The following TENM2 variants were observed in gnomAD, a reference collection of about 807,000 sequenced individuals.
The protein encoded by TENM2 is teneurin transmembrane protein 2.
TENM2 carries 52 observed loss-of-function variants against 245.2 expected under a neutral mutation model. The ratio of observed to expected loss-of-function variants is 0.21; its 90% CI spans 0.17 to 0.27. TENM2 has a LOEUF of 0.27. Among genes scored for constraint, TENM2 ranks in the 10% least tolerant of loss-of-function variants. TENM2 has a pLI of 1.00. For synonymous variants in TENM2, 1,363 were observed against 1,438.9 expected, an observed-to-expected ratio of 0.95 and a Z score of 1.19; for missense variants, 3,046 against 3,666.8, an observed-to-expected ratio of 0.83 and a Z score of 4.37.
chr5:167,487,989 T>C (rs1258627709), intron 2 of TENM2, among the ~76,000 whole-genome samples: 2 of 152,052 alleles, frequency 1.3e-5, no homozygotes, highest in Non-Finnish European at 2.9e-5. Context: ...AAAATGGAGA[T>C]TACCTGAAAC....
chr5:166,980,303 A>G, the TENM2 span, among the ~76,000 whole-genome samples: 1 of 152,198 alleles, frequency 6.6e-6, no homozygotes, highest in Non-Finnish European at 1.5e-5. Context: ...GTACAGCAAT[A>G]TCTCTCTTAG....
At chr5:167,120,888 C>T in the TENM2 span, among the ~76,000 whole-genome samples, 1 of 152,078 alleles carries the variant, frequency 6.6e-6, no homozygotes, top group Non-Finnish European at 1.5e-5. Flanking sequence ...ACTAAAGATG[C>T]CCATCATGGA....
intron 2 of TENM2, among the ~76,000 whole-genome samples, chr5:167,565,183 G>A (rs1336719375): frequency 6.6e-6 from 1 of 152,234 alleles, no homozygotes; most frequent in Non-Finnish European, 1.5e-5. Flanking sequence ...GTAGGACAAG[G>A]CTATTAAGCT....
intron 2 of TENM2, among the ~76,000 whole-genome samples, chr5:167,643,447 G>T (rs898204701): frequency 1.3e-5 from 2 of 152,000 alleles, no homozygotes; most frequent in East Asian, 3.9e-4. Flanking sequence ...TGTAGCCTGC[G>T]TCAGTGGTTC....
intron 2 of TENM2, among the ~76,000 whole-genome samples, chr5:167,777,775 G>T (rs895099982): frequency 6.6e-6 from 1 of 152,094 alleles, no homozygotes; most frequent in Non-Finnish European, 1.5e-5. Context: ...TCAGAAAAGG[G>T]GCTTAATTTC....
At chr5:167,869,048 C>A (rs1477814827) in intron 2 of TENM2, among the ~76,000 whole-genome samples, 1 of 152,120 alleles carries the variant, frequency 6.6e-6, no homozygotes. Flanking sequence ...CTCAAACTCC[C>A]AAATAGTAGA....
At chr5:167,929,123 AAGAAAG>A (rs1778075553) in intron 3 of TENM2, among the ~76,000 whole-genome samples, 1 of 133,574 alleles carries the variant, frequency 7.5e-6, no homozygotes, top group South Asian at 2.5e-4. Flanking sequence ...GAAAGAAAGA[AAGAAAG>A]AAAAGAAAGA....
chr5:167,542,774 G>A (rs955830885), intron 2 of TENM2, among the ~76,000 whole-genome samples: 9 of 151,882 alleles, frequency 5.9e-5, no homozygotes, highest in East Asian at 3.9e-4. Context: ...CTAGAAATTC[G>A]GAAGATTTTA....
intron 2 of TENM2, among the ~76,000 whole-genome samples, chr5:167,648,620 G>A (rs74522779): frequency 6.6e-6 from 1 of 152,190 alleles, no homozygotes; most frequent in African/African-American, 2.4e-5. Flanking sequence ...CAGTCTCCAG[G>A]GAGAAGCGAT....
chr5:168,119,734 A>C (rs1795339818), intron 10 of TENM2, among the ~76,000 whole-genome samples: 1 of 152,082 alleles, frequency 6.6e-6, no homozygotes, highest in African/African-American at 2.4e-5. Flanking sequence ...CACAACTCAA[A>C]CAGCCCTTTT....
At chr5:167,893,062 A>G (rs1774885441) in intron 3 of TENM2, among the ~76,000 whole-genome samples, 1 of 152,138 alleles carries the variant, frequency 6.6e-6, no homozygotes, top group Non-Finnish European at 1.5e-5. Context: ...GAGGGAGAGT[A>G]TTACCTTTTG....
chr5:168,246,608 G>A, intron 26 of TENM2, 149 bp from the exon 29 acceptor site: 1 of 837,670 alleles, frequency 1.2e-6, no homozygotes, highest in East Asian at 2.4e-5. Flanking sequence ...GGCATGTCCA[G>A]TGAAATAAAT....
the TENM2 span, among the ~76,000 whole-genome samples, chr5:167,016,396 T>C: frequency 1.3e-5 from 2 of 152,074 alleles, no homozygotes; most frequent in Admixed American, 1.3e-4. Flanking sequence ...TGCTACTCTA[T>C]TTAATTTCTG....
At chr5:167,759,117 C>G (rs1044070573) in intron 2 of TENM2, among the ~76,000 whole-genome samples, 1 of 148,754 alleles carries the variant, frequency 6.7e-6, no homozygotes, top group Non-Finnish European at 1.5e-5. Context: ...ACTTAACTAG[C>G]AAGTTGCTTA....
At chr5:167,791,095 T>C (rs1764923654) in intron 2 of TENM2, among the ~76,000 whole-genome samples, 1 of 152,202 alleles carries the variant, frequency 6.6e-6, no homozygotes, top group South Asian at 2.1e-4. Context: ...TGGCTTGGAT[T>C]GTAAACCCCA....
chr5:167,072,405 G>T, the TENM2 span, among the ~76,000 whole-genome samples: 7 of 151,702 alleles, frequency 4.6e-5, no homozygotes, highest in Non-Finnish European at 1.0e-4. Context: ...GCCTTTTTTT[G>T]GCCTTGGTTG....
intron 2 of TENM2, among the ~76,000 whole-genome samples, chr5:167,431,928 CATATAT>C: frequency 8.9e-6 from 1 of 112,526 alleles, no homozygotes; most frequent in African/African-American, 3.4e-5. Context: ...TATATATATA[CATATAT>C]ATATACATAT....
intron 3 of TENM2, among the ~76,000 whole-genome samples, chr5:167,895,456 A>G (rs999383358): frequency 6.6e-6 from 1 of 152,226 alleles, no homozygotes; most frequent in Non-Finnish European, 1.5e-5. Flanking sequence ...TAACTTGACC[A>G]AATGCATGTA....
intron 2 of TENM2, among the ~76,000 whole-genome samples, chr5:167,865,119 G>A (rs1234601549): frequency 6.6e-6 from 1 of 152,146 alleles, no homozygotes; most frequent in South Asian, 2.1e-4. Context: ...ATATTACTCA[G>A]CACAGACAGA....
Sources: gnomAD v4.1 joint callset for allele counts (sites outside exome capture counted in the v4.1 genomes callset) on GRCh38, gnomAD v4.1.1 for gene constraint, MANE v1.5 for transcripts, NCBI Gene and HGNC (gene_info 2026-07-23, HGNC 2026-07-21) for gene names.